MRPS6: variants seen among roughly 807,000 people sequenced by gnomAD.
MRPS6 encodes mitochondrial ribosomal protein S6.
Under a neutral mutation model 13.1 loss-of-function variants are expected in MRPS6, and 6 were observed. The observed-to-expected ratio is 0.46, with a 90% confidence interval of 0.25 to 0.91. The LOEUF (loss-of-function observed/expected upper bound fraction) is 0.91, where lower values mean the gene tolerates loss of function less well. MRPS6 is among the 40% of genes least tolerant of loss of function. The pLI is 0.18. For missense variants in MRPS6, 164 were observed against 155.6 expected (o/e 1.05, Z -0.29); for synonymous variants, 61 against 56.5 (o/e 1.08, Z -0.36).
At position 34,096,831 on chromosome 21, in the gene MRPS6, A is replaced by G; in HGVS notation, c.45+23086A>G. The G allele has an allele frequency of 6.2e-7, 1 of 1,613,994 alleles. No individual in the cohort carries two copies. Among genetic ancestry groups the G allele is most frequent in the Non-Finnish European group, 8.5e-7 (1 of 1,179,972 alleles). On this transcript the variant is annotated intron_variant, in intron 1 of 2. Transcript: ENST00000399312. The surrounding 1 kb of genome is among the most constrained non-coding windows in gnomAD (Gnocchi z 5.9). ...CACAAAGGAACAGATTCGAACCACC[A>G]CCTTTTGGTCTAAGAAGAACCTGGT...
At chr21:34,085,694 C>T (rs1055972338) in intron 1 of MRPS6, among the ~76,000 whole-genome samples, 10 of 151,598 alleles carry the variant, frequency 6.6e-5, no homozygotes, top group African/African-American at 1.7e-4. Context: ...CTCTGCCTCC[C>T]GGGTTTCACG....
At chr21:34,074,488 C>T (rs553429190) in intron 1 of MRPS6, among the ~76,000 whole-genome samples, 3 of 152,160 alleles carry the variant, frequency 2.0e-5, no homozygotes, top group African/African-American at 7.2e-5. Flanking sequence ...TAGGGGATTT[C>T]AGGTTTGGAG....
At chr21:34,129,991 G>T (rs144755872) in intron 2 of MRPS6, among the ~76,000 whole-genome samples, 5 of 152,224 alleles carry the variant, frequency 3.3e-5, no homozygotes, top group Non-Finnish European at 7.3e-5. Flanking sequence ...CACTGCCTCG[G>T]TGAAGCCTGA....
chr21:34,125,249 T>G, intron 1 of MRPS6, 92 bp from the exon 2 acceptor site: 1 of 1,511,280 alleles, frequency 6.6e-7, no homozygotes, highest in African/African-American at 1.4e-5. Context: ...GTAGAGCTGT[T>G]ATGATTGGAA....
chr21:34,104,712 AGAT>A, intron 1 of MRPS6: 1 of 1,000,160 alleles, frequency 1.0e-6, no homozygotes, highest in Non-Finnish European at 1.2e-6. Context: ...GAGGGGAAGA[AGAT>A]TACCAGAAGT....
chr21:34,094,377 C>A (rs1287304824), intron 1 of MRPS6, among the ~76,000 whole-genome samples: 1 of 152,154 alleles, frequency 6.6e-6, no homozygotes, highest in African/African-American at 2.4e-5. Context: ...ATGATAACAT[C>A]TAGTAAACAC....
At chr21:34,118,522 T>C (rs924238159) in intron 1 of MRPS6, among the ~76,000 whole-genome samples, 1 of 151,730 alleles carries the variant, frequency 6.6e-6, no homozygotes, top group Non-Finnish European at 1.5e-5. Context: ...GTTAAGTCTT[T>C]ATTCATTAGT....
chr21:34,134,276 T>G (rs1187418124), intron 2 of MRPS6, among the ~76,000 whole-genome samples: 2 of 152,284 alleles, frequency 1.3e-5, no homozygotes, highest in African/African-American at 4.8e-5. Flanking sequence ...GTTTTCAGAG[T>G]GAGCCCAAGT....
In MRPS6 at chr21:34,096,728, TTATATG is replaced by T; in HGVS notation, c.45+22987_45+22992del. 1 of 1,614,026 alleles carries T rather than the reference TTATATG, an allele frequency of 6.2e-7. No homozygotes were observed. The highest frequency in any genetic ancestry group is 8.5e-7 in the Non-Finnish European group (1 of 1,179,968). On this transcript the variant is annotated intron_variant, in intron 1 of 2. Coordinates refer to ENST00000399312, the MANE Select transcript of MRPS6 (RefSeq NM_032476.4). This position sits in a 1 kb window ranked among gnomAD's most constrained non-coding sequence, Gnocchi z 5.9. Reference sequence around the variant, plus strand: ...GGCCGGGCTTCATCAAAGACATCCATTATATGTATGTGGCCACAGGATTGTTTTGGG... The same window carrying T: ...GGCCGGGCTTCATCAAAGACATCCATTATGTGGCCACAGGATTGTTTTGGG...
intron 1 of MRPS6, chr21:34,097,561 A>C: frequency 7.4e-7 from 1 of 1,350,810 alleles, no homozygotes. Flanking sequence ...GCCAAACCTA[A>C]CAGACTGAAT....
At chr21:34,132,452 G>A (rs969960536) in intron 2 of MRPS6, among the ~76,000 whole-genome samples, 2 of 152,346 alleles carry the variant, frequency 1.3e-5, no homozygotes, top group African/African-American at 2.4e-5. Context: ...CTGAAGGAGC[G>A]TTGTCATGCC....
At chr21:34,075,086 A>G (rs536973138) in intron 1 of MRPS6, among the ~76,000 whole-genome samples, 38 of 152,382 alleles carry the variant, frequency 2.5e-4, no homozygotes, top group African/African-American at 8.9e-4. Flanking sequence ...CCGAAAGGAT[A>G]GGAGCAGTGA....
intron 1 of MRPS6, chr21:34,103,312 A>G (rs1202586254): frequency 6.6e-6 from 6 of 903,836 alleles, no homozygotes; most frequent in Non-Finnish European, 7.7e-6. Flanking sequence ...CTAGTGAAGG[A>G]AGTAAAAAAA....
chr21:34,073,579 C>T lies in MRPS6; in HGVS notation c.-122C>T, dbSNP rs1383873585. The T allele has an allele frequency of 1.4e-5, 11 of 809,862 alleles. No individual in the cohort carries two copies. Among genetic ancestry groups the T allele is most frequent in the Admixed American group, 1.3e-4 (5 of 38,508 alleles). 50.2% of individuals were successfully genotyped at this position (809,862 alleles called of 1,614,324 possible). On this transcript the variant is annotated 5_prime_UTR_variant, in exon 1 of 3. Coordinates refer to ENST00000399312, the MANE Select transcript of MRPS6 (RefSeq NM_032476.4). ...CCCGGGCTCGCGCTCTCGGACCGTG[C>T]TTTCGCCGCCTGGGAGCCGTCCGGC...
At chr21:34,120,587 GATTA>G (rs1310766890) in intron 1 of MRPS6, among the ~76,000 whole-genome samples, 5 of 151,848 alleles carry the variant, frequency 3.3e-5, no homozygotes, top group Non-Finnish European at 5.9e-5. Flanking sequence ...TTTCTTCTAG[GATTA>G]ATTACCTTTT....
intron 2 of MRPS6, among the ~76,000 whole-genome samples, chr21:34,130,127 C>T (rs1340678406): frequency 3.9e-5 from 6 of 152,206 alleles, no homozygotes; most frequent in Non-Finnish European, 8.8e-5. Context: ...CCCATCCCCC[C>T]ACCCACTGTG....
At chr21:34,129,983 C>T (rs1369136509) in intron 2 of MRPS6, among the ~76,000 whole-genome samples, 1 of 152,240 alleles carries the variant, frequency 6.6e-6, no homozygotes, top group Non-Finnish European at 1.5e-5. Flanking sequence ...GAATAATTCA[C>T]TGCCTCGGTG....
intron 1 of MRPS6, among the ~76,000 whole-genome samples, chr21:34,083,758 A>G (rs1989509966): frequency 6.6e-6 from 1 of 152,196 alleles, no homozygotes. Flanking sequence ...TGCCATTCTC[A>G]TGTGTGGACT....
At chr21:34,076,565 A>T (rs564418483) in intron 1 of MRPS6, among the ~76,000 whole-genome samples, 1 of 152,332 alleles carries the variant, frequency 6.6e-6, no homozygotes, top group Admixed American at 6.5e-5. Flanking sequence ...GGCATTTAGG[A>T]ATGTAGTTAA....
Sources: gnomAD v4.1 joint callset for allele counts (sites outside exome capture counted in the v4.1 genomes callset) on GRCh38, gnomAD v4.1.1 for gene constraint, Gnocchi (gnomAD v3.1) non-coding constraint, MANE v1.5 for transcripts, NCBI Gene and HGNC (gene_info 2026-07-23, HGNC 2026-07-21) for gene names.